Variants in PDE3B observed in about 807,000 individuals in gnomAD.
PDE3B encodes the protein phosphodiesterase 3B.
A neutral mutation model predicts 116.8 loss-of-function variants in PDE3B; 66 were observed. The ratio of observed to expected loss-of-function variants is 0.56; its 90% CI spans 0.46 to 0.69. The LOEUF (loss-of-function observed/expected upper bound fraction) is 0.69. PDE3B is among the 30% of genes least tolerant of loss of function. The probability of loss-of-function intolerance (pLI) is 0.00; values close to 1 mark genes in which losing one functional copy is unlikely to be tolerated. For synonymous variants in PDE3B, 595 were observed against 533.6 expected, an observed-to-expected ratio of 1.12 and a Z score of -1.59; for missense variants, 1,384 against 1,368.1, an observed-to-expected ratio of 1.01 and a Z score of -0.18.
Position 14,716,068 on chromosome 11 carries a change from G to C in PDE3B, c.979-55869G>C, listed in dbSNP as rs942711919. ...GCGCAGGCCAGTGGGTGTGCGCACC[G>C]TGCGCGAGCCGAAGCAGGGCGAGGC... On this transcript the variant is annotated intron_variant, in intron 1 of 15. Transcript: ENST00000282096. Among the ~76,000 whole-genome samples the C allele has an allele frequency of 1.6e-4, 25 of 152,222 alleles. No individual in the cohort carries two copies. In the Middle Eastern group the frequency reaches 0.01, roughly 62 times the overall value.
At chr11:14,728,765 TTTTA>T (rs1173765439) in intron 1 of PDE3B, among the ~76,000 whole-genome samples, 1 of 152,102 alleles carries the variant, frequency 6.6e-6, no homozygotes, top group Non-Finnish European at 1.5e-5. Context: ...ATATTTAAAT[TTTTA>T]TTTACTCAGC....
At chr11:14,782,834 T>C (rs1044106351) in intron 2 of PDE3B, among the ~76,000 whole-genome samples, 12 of 152,156 alleles carry the variant, frequency 7.9e-5, no homozygotes, top group African/African-American at 9.6e-5. Flanking sequence ...ACCTACAGAA[T>C]GGGAGAAAAT....
At chr11:14,663,103 G>A (rs796705703) in intron 1 of PDE3B, among the ~76,000 whole-genome samples, 69 of 148,148 alleles carry the variant, frequency 4.7e-4, no homozygotes, top group Admixed American at 1.9e-3. Flanking sequence ...GACTAACAGC[G>A]GATCTCTCAG....
intron 4 of PDE3B, among the ~76,000 whole-genome samples, chr11:14,792,047 G>A (rs1375614564): frequency 6.6e-6 from 1 of 151,988 alleles, no homozygotes; most frequent in Admixed American, 6.6e-5. Context: ...CACATACAGA[G>A]AGCTGACTAT....
rs369099176 is a variant in PDE3B, at chr11:14,686,748, G to A, written c.978+41695G>A. ...TTTTTTTTAAAGACAGAGTCTCGCT[G>A]TGTCGCCCAAGCTGGAGTGCAGTGG... On this transcript the variant is annotated intron_variant, in intron 1 of 15. Transcript: ENST00000282096. Among the ~76,000 whole-genome samples the A allele has an allele frequency of 2.0e-4, 30 of 152,102 alleles. No homozygotes were observed. In the East Asian group the frequency reaches 5.2e-3, roughly 26 times the overall value.
At chr11:14,852,644 G>A (rs1398653887) in intron 12 of PDE3B, among the ~76,000 whole-genome samples, 2 of 152,220 alleles carry the variant, frequency 1.3e-5, no homozygotes, top group African/African-American at 4.8e-5. Flanking sequence ...GGATTAGAGA[G>A]TTCAGCTGTG....
At chr11:14,684,835 T>C (rs778259950) in intron 1 of PDE3B, among the ~76,000 whole-genome samples, 5 of 152,194 alleles carry the variant, frequency 3.3e-5, no homozygotes, top group Admixed American at 6.6e-5. Context: ...AAGAAAAATA[T>C]GGCTCTATTC....
chr11:14,775,200 A>G (rs1857750675), intron 2 of PDE3B: 1 of 152,162 alleles, frequency 6.6e-6, no homozygotes, highest in Non-Finnish European at 1.5e-5. Flanking sequence ...CAGTGTTCTC[A>G]AAAATTTGGT....
At chr11:14,715,263 G>A (rs1590083452) in intron 1 of PDE3B, among the ~76,000 whole-genome samples, 3 of 152,220 alleles carry the variant, frequency 2.0e-5, no homozygotes, top group Middle Eastern at 3.4e-3. Flanking sequence ...GGTTCCATAT[G>A]AACTTTAAAG....
At chr11:14,735,958 T>TGTGTG (rs1554987382) in intron 1 of PDE3B, among the ~76,000 whole-genome samples, 2 of 142,926 alleles carry the variant, frequency 1.4e-5, no homozygotes, top group African/African-American at 5.2e-5. Flanking sequence ...GAATAATAGG[T>TGTGTG]TGTGTGTGTG....
rs1244274651 is a variant in PDE3B at position 14,721,099 on chromosome 11, C to G, written c.979-50838C>G. 4.1e-5 allele frequency among the ~76,000 whole-genome samples: 6 copies of G among 147,800 alleles called. No individual in the cohort carries two copies. The East Asian group carries it at 1.2e-3, about 30-fold the overall frequency. ...ACAAGAAAAAAACAAACAACCCCAT[C>G]AAAAAGTGGGCAAAGGACATGAACA... On this transcript the variant is annotated intron_variant, in intron 1 of 15. Transcript: ENST00000282096.
chr11:14,754,062 C>A (rs1053481607), intron 1 of PDE3B, among the ~76,000 whole-genome samples: 8 of 151,796 alleles, frequency 5.3e-5, no homozygotes, highest in African/African-American at 1.7e-4. Flanking sequence ...ACAACTAAGA[C>A]TTTAGACAAA....
intron 1 of PDE3B, among the ~76,000 whole-genome samples, chr11:14,663,667 CAAAG>C (rs1158116541): frequency 1.1e-4 from 17 of 152,100 alleles, no homozygotes; most frequent in African/African-American, 3.4e-4. Flanking sequence ...TCAAAAGAGA[CAAAG>C]AAGGCCATTA....
intron 11 of PDE3B, among the ~76,000 whole-genome samples, chr11:14,835,527 G>T (rs1350680071): frequency 6.6e-6 from 1 of 151,754 alleles, no homozygotes; most frequent in Non-Finnish European, 1.5e-5. Context: ...CAAAAGCCTT[G>T]CAAAGTATTT....
chr11:14,890,865 TA>T, the PDE3B span: 10 of 985,242 alleles, frequency 1.0e-5, no homozygotes, highest in African/African-American at 1.6e-4. Context: ...CCAATCCTTG[TA>T]AAAATTGGTT....
At chr11:14,792,478 C>T (rs1858418219) in intron 4 of PDE3B, among the ~76,000 whole-genome samples, 1 of 151,808 alleles carries the variant, frequency 6.6e-6, no homozygotes, top group African/African-American at 2.4e-5. Context: ...TCATGCTTTG[C>T]CTAGAGAAAA....
intron 5 of PDE3B, among the ~76,000 whole-genome samples, chr11:14,809,807 G>A (rs1859067348): frequency 6.6e-6 from 1 of 152,132 alleles, no homozygotes; most frequent in South Asian, 2.1e-4. Context: ...CATCAAGACT[G>A]CTGGCACCTT....
chr11:14,844,488 G>A (rs1215545182), intron 12 of PDE3B, among the ~76,000 whole-genome samples: 1 of 152,240 alleles, frequency 6.6e-6, no homozygotes. Flanking sequence ...GTGGGCACAG[G>A]ACAGTGGGTG....
At chr11:14,650,407 G>C (rs1046359234) in intron 1 of PDE3B, among the ~76,000 whole-genome samples, 2 of 152,006 alleles carry the variant, frequency 1.3e-5, no homozygotes, top group Non-Finnish European at 2.9e-5. Context: ...GGGTTTCGCT[G>C]TGTTGCCCAG....
Sources: gnomAD v4.1 joint callset for allele counts (sites outside exome capture counted in the v4.1 genomes callset) on GRCh38, gnomAD v4.1.1 for gene constraint, MANE v1.5 for transcripts, NCBI Gene and HGNC (gene_info 2026-07-23, HGNC 2026-07-21) for gene names.